ADAMTS9: variants seen among roughly 807,000 people sequenced by gnomAD.
ADAMTS9 encodes A disintegrin and metalloproteinase with thrombospondin motifs 9.
A neutral mutation model predicts 257.1 loss-of-function variants in ADAMTS9; 107 were observed. That is an observed-to-expected ratio of 0.42 (90% confidence interval 0.36 to 0.49). The LOEUF (loss-of-function observed/expected upper bound fraction) is 0.49. Ranked by LOEUF, ADAMTS9 falls within the 20% of genes least tolerant of loss-of-function variation. The pLI, the probability that ADAMTS9 is intolerant of heterozygous loss-of-function variation, is 0.03. For missense variants in ADAMTS9, 2,353 were observed against 2,469.1 expected (o/e 0.95, Z 1.00); for synonymous variants, 982 against 880.9 (o/e 1.11, Z -2.03).
intron 28 of ADAMTS9, among the ~76,000 whole-genome samples, chr3:64,574,074 C>G (rs1412667816): frequency 1.3e-5 from 2 of 152,080 alleles, no homozygotes; most frequent in East Asian, 1.9e-4. Flanking sequence ...TACTATAAAC[C>G]AATGCCATGT....
rs1429095474 is a variant in ADAMTS9 at position 64,541,587 on chromosome 3, C to G, written c.5231G>C (p.Arg1744Thr). ...ACCATCTTCACTGGCACCTTTAAGTCTTTTTACCTCCTTGCAATTCTGGGG... is the reference window on the plus strand; with the variant it reads ...ACCATCTTCACTGGCACCTTTAAGTGTTTTTACCTCCTTGCAATTCTGGGG... ...ELPQNCKEVK[R>T]LKGASEDGEY... The change falls in exon 34 of 40, where the codon AGA (arginine) becomes ACA (threonine). Residue 1744 changes from arginine to threonine, a missense_variant. By Grantham distance (71) the Arg-to-Thr change is moderately conservative (BLOSUM62 -1). This residue lies in a region of ADAMTS9 where 1,402 missense variants were observed against 1,441.4 expected (regional missense o/e 0.97). Transcript: ENST00000498707. The G allele has an allele frequency of 6.2e-7, 1 of 1,613,956 alleles. No homozygotes were observed. The highest frequency in any genetic ancestry group is 1.3e-5 in the African/African-American group (1 of 74,884).
In ADAMTS9 at chr3:64,602,139, A is replaced by G. The variant is rs769844305; in HGVS notation, c.3822T>C (p.Asp1274=). 1.2e-6 allele frequency: 2 copies of G among 1,613,974 alleles called. No individual in the cohort carries two copies. The highest frequency in any genetic ancestry group is 1.3e-5 in the African/African-American group (1 of 74,932). The change falls in exon 26 of 40, where the codon GAT becomes GAC. Residue 1274 remains aspartate (D), a synonymous_variant. Coordinates refer to ENST00000498707, the MANE Select transcript of ADAMTS9 (RefSeq NM_182920.2). Reference sequence around the variant, plus strand: ...TATAATCCTGGTCACACTCACTCCGATCGATCACGTGGTCACTGTAGTTGA... The same window carrying G: ...TATAATCCTGGTCACACTCACTCCGGTCGATCACGTGGTCACTGTAGTTGA... ...MCVNYSDHVI[D]RSECDQDYIP...
intron 38 of ADAMTS9, among the ~76,000 whole-genome samples, chr3:64,525,088 G>C (rs2082893969): frequency 6.6e-6 from 1 of 152,124 alleles, no homozygotes; most frequent in Non-Finnish European, 1.5e-5. Flanking sequence ...TCTTCCTACT[G>C]GAATGTCAGC....
intron 3 of ADAMTS9, among the ~76,000 whole-genome samples, chr3:64,665,898 A>T (rs1701344337): frequency 6.6e-6 from 1 of 152,228 alleles, no homozygotes. Flanking sequence ...TGAGAATTAA[A>T]TAAGAAAGCA....
chr3:64,626,688 A>G (rs1700229706), intron 16 of ADAMTS9, among the ~76,000 whole-genome samples: 1 of 152,196 alleles, frequency 6.6e-6, no homozygotes, highest in South Asian at 2.1e-4. Context: ...CCTTAAATAT[A>G]TAAGATGATA....
In ADAMTS9 at chr3:64,541,364, C is replaced by T. The variant is rs1228376012; in HGVS notation, c.5343G>A (p.Leu1781=). 4 of 1,614,144 alleles carry T rather than the reference C, an allele frequency of 2.5e-6. No homozygotes were observed. The highest frequency in any genetic ancestry group is 4.5e-5 in the East Asian group (2 of 44,872). The change falls in exon 35 of 40, where the codon CTG becomes CTA. Residue 1781 remains leucine (L), a synonymous_variant. Transcript: ENST00000498707. ...AGAAATTCTCAGAGTCTCCATGCAC[C>T]AGTGTCACGTACTCTTTGGGGTGGT... The part of the protein sequence containing the change: ...HSDHPKEYVT[L]VHGDSENFSE...
intron 22 of ADAMTS9, among the ~76,000 whole-genome samples, chr3:64,607,538 A>G (rs1415765239): frequency 6.6e-6 from 1 of 152,236 alleles, no homozygotes; most frequent in East Asian, 1.9e-4. Flanking sequence ...GCAACAACCA[A>G]AAGTTCAATA....
intron 37 of ADAMTS9, among the ~76,000 whole-genome samples, chr3:64,538,190 C>T (rs73834490): frequency 0.015 from 2,274 of 152,204 alleles, 50 homozygotes; most frequent in African/African-American, 0.052. Flanking sequence ...ATTCGTTAAC[C>T]TGTCATCCTC....
chr3:64,597,316 A>G (rs1308765444), intron 26 of ADAMTS9, among the ~76,000 whole-genome samples: 2 of 152,226 alleles, frequency 1.3e-5, no homozygotes, highest in Non-Finnish European at 2.9e-5. Context: ...TAAGAGGTAC[A>G]GAGGTGTTGA....
intron 23 of ADAMTS9, among the ~76,000 whole-genome samples, chr3:64,605,773 CACAA>C (rs948458672): frequency 6.6e-6 from 1 of 152,060 alleles, no homozygotes; most frequent in African/African-American, 2.4e-5. Context: ...ATTTTGTGTA[CACAA>C]ACACACACAT....
intron 28 of ADAMTS9, among the ~76,000 whole-genome samples, chr3:64,574,540 T>G: frequency 8.8e-6 from 1 of 113,528 alleles, no homozygotes; most frequent in Non-Finnish European, 1.6e-5. Flanking sequence ...CTGGGCAACA[T>G]GACAAGACCC....
At chr3:64,580,895 T>A (rs2106741775) in intron 28 of ADAMTS9, among the ~76,000 whole-genome samples, 1 of 152,302 alleles carries the variant, frequency 6.6e-6, no homozygotes, top group East Asian at 1.9e-4. Flanking sequence ...AAAATTCATG[T>A]TTCTAGAAGT....
chr3:64,531,610 GCATGCACCAC>G (rs2082982397), intron 38 of ADAMTS9, among the ~76,000 whole-genome samples: 7 of 152,118 alleles, frequency 4.6e-5, no homozygotes, highest in African/African-American at 1.7e-4. Flanking sequence ...GGGACTACAG[GCATGCACCAC>G]CATGCCCAGC....
At position 64,568,417 on chromosome 3, in the gene ADAMTS9, T is replaced by C. The variant is rs757999512; in HGVS notation, c.4475A>G (p.Lys1492Arg). The change falls in exon 29 of 40, where the codon AAG becomes AGG. Residue 1492 changes from lysine to arginine, a missense_variant. This residue lies in a region of ADAMTS9 where 1,402 missense variants were observed against 1,441.4 expected (regional missense o/e 0.97). Transcript: ENST00000498707. Reference sequence around the variant, plus strand: ...TTTGGGGCATCTTCCTCCTCGGCACTTTCTGTGCCCATGTGGCTTAGCCAG... The same window carrying C: ...TTTGGGGCATCTTCCTCCTCGGCACCTTCTGTGCCCATGTGGCTTAGCCAG... The part of the protein sequence containing the change: ...KHLAKPHGHR[K>R]CRGGRCPKWK... The C allele has an allele frequency of 1.4e-5, 23 of 1,613,042 alleles. No homozygotes were observed. The South Asian group carries it at 2.5e-4, about 18-fold the overall frequency.
chr3:64,529,926 C>T (rs577571758), intron 38 of ADAMTS9, among the ~76,000 whole-genome samples: 1 of 152,058 alleles, frequency 6.6e-6, no homozygotes, highest in Admixed American at 6.6e-5. Flanking sequence ...TCATCCTCAC[C>T]TCAGCCTCCT....
intron 30 of ADAMTS9, 26 bp downstream of exon 30, chr3:64,561,552 A>G (rs769349136): frequency 6.2e-7 from 1 of 1,602,766 alleles, no homozygotes; most frequent in Non-Finnish European, 8.5e-7. Flanking sequence ...AATGCCTGGC[A>G]GGTACCCCTT....
intron 18 of ADAMTS9, 95 bp from the exon 19 acceptor site, chr3:64,621,335 A>G (rs1700098682): frequency 2.2e-6 from 3 of 1,378,044 alleles, no homozygotes; most frequent in South Asian, 1.4e-5. Flanking sequence ...CTAAAGAGCC[A>G]GACAGTAAAT....
At chr3:64,559,755 CGGGA>C (rs2083389155) in intron 30 of ADAMTS9, among the ~76,000 whole-genome samples, 1 of 152,206 alleles carries the variant, frequency 6.6e-6, no homozygotes, top group African/African-American at 2.4e-5. Flanking sequence ...TTCCATTCTT[CGGGA>C]TGCAAAAGGA....
intron 18 of ADAMTS9, among the ~76,000 whole-genome samples, chr3:64,621,718 T>C (rs1356200922): frequency 6.6e-6 from 1 of 150,438 alleles, no homozygotes; most frequent in Non-Finnish European, 1.5e-5. Flanking sequence ...GCTGAGATTG[T>C]GCCACTGCAC....
Sources: allele counts gnomAD v4.1 joint callset (sites outside exome capture counted in the v4.1 genomes callset), GRCh38; gene constraint gnomAD v4.1.1; regional missense constraint gnomAD v4.1.1; transcripts MANE v1.5; gene names NCBI Gene and HGNC (gene_info 2026-07-23, HGNC 2026-07-21).